HAVCR1: variants seen among roughly 807,000 people sequenced by gnomAD.
The protein encoded by HAVCR1 is T cell immunoglobin domain and mucin domain protein 1.
In HAVCR1, 34 loss-of-function variants were observed where a neutral mutation model predicts 32.0. That is an observed-to-expected ratio of 1.06 (90% CI 0.81 to 1.42). HAVCR1 has a LOEUF of 1.42. Ranked by LOEUF, HAVCR1 falls within the 40% of genes most tolerant of loss-of-function variation. HAVCR1 has a pLI of 0.00. For missense variants in HAVCR1, 420 were observed against 442.3 expected, an observed-to-expected ratio of 0.95 and a Z score of 0.45; for synonymous variants, 178 against 170.3, an observed-to-expected ratio of 1.05 and a Z score of -0.35.
At chr5:157,064,170 T>C in the HAVCR1 span, among the ~76,000 whole-genome samples, 1 of 152,000 alleles carries the variant, frequency 6.6e-6, no homozygotes, top group Admixed American at 6.6e-5. Flanking sequence ...ATGGAAAGAT[T>C]CCAGAAGAGA....
intron 5 of HAVCR1, among the ~76,000 whole-genome samples, chr5:157,047,449 G>A (rs1755468992): frequency 6.6e-6 from 1 of 152,058 alleles, no homozygotes; most frequent in African/African-American, 2.4e-5. Context: ...TACTTGGAAA[G>A]CTGAGGCAGG....
chr5:157,041,866 C>T (rs1427067991), intron 6 of HAVCR1, among the ~76,000 whole-genome samples: 2 of 152,138 alleles, frequency 1.3e-5, no homozygotes, highest in Non-Finnish European at 2.9e-5. Context: ...TGAGACTAGC[C>T]TGGCCAACAT....
intron 8 of HAVCR1, 36 bp from the exon 9 acceptor site, chr5:157,029,877 G>T: frequency 6.3e-7 from 1 of 1,583,100 alleles, no homozygotes. Flanking sequence ...ACATGAGTAA[G>T]AAAAAAAGCA....
chr5:157,043,685 T>C (rs1402298388), intron 5 of HAVCR1, among the ~76,000 whole-genome samples: 1 of 152,100 alleles, frequency 6.6e-6, no homozygotes, highest in Non-Finnish European at 1.5e-5. Context: ...GAGTATATTC[T>C]GTTGGCCTTC....
At chr5:157,065,487 G>T in the HAVCR1 span, among the ~76,000 whole-genome samples, 1 of 152,192 alleles carries the variant, frequency 6.6e-6, no homozygotes, top group Non-Finnish European at 1.5e-5. Flanking sequence ...GGGAGACCGG[G>T]GCAGGCTGAT....
intron 8 of HAVCR1, among the ~76,000 whole-genome samples, chr5:157,031,080 T>C (rs976097193): frequency 6.6e-6 from 1 of 151,596 alleles, no homozygotes; most frequent in Non-Finnish European, 1.5e-5. Context: ...TGAGCACAGA[T>C]TCGTGAGATT....
At position 157,058,616 on chromosome 5, in the gene HAVCR1, C is replaced by T. The variant is rs35045030; in HGVS notation, c.-13+305G>A. 1,086 of 152,370 alleles carry T rather than the reference C, an allele frequency of 7.1e-3. 5 individuals carry two copies. The highest frequency in any genetic ancestry group is 0.011 in the Non-Finnish European group (777 of 68,088). The allele number at this position is 152,370 out of a possible 1,614,324, so 9.4% of individuals were successfully genotyped here. On this transcript the variant is annotated intron_variant, in intron 1 of 8. Transcript: ENST00000523175. ...GAAAAGGAAACTGGAAGCAGAGAAC[C>T]AGCGTGGCTCAATGGCAGCACGAGA...
At chr5:157,066,858 A>C in the HAVCR1 span, among the ~76,000 whole-genome samples, 1 of 152,194 alleles carries the variant, frequency 6.6e-6, no homozygotes, top group Non-Finnish European at 1.5e-5. Context: ...AGGCTGAGGC[A>C]GGCGGATCAC....
chr5:157,046,466 C>T (rs187298411), intron 5 of HAVCR1, among the ~76,000 whole-genome samples: 1 of 152,298 alleles, frequency 6.6e-6, no homozygotes, highest in Non-Finnish European at 1.5e-5. Flanking sequence ...TCTAAGAGGC[C>T]TGTTCAGACT....
chr5:157,038,449 C>T (rs1455193547), intron 6 of HAVCR1, among the ~76,000 whole-genome samples: 2 of 152,106 alleles, frequency 1.3e-5, no homozygotes, highest in Admixed American at 6.5e-5. Flanking sequence ...AGTCAGAATC[C>T]CAGGTCTTCT....
chr5:157,055,070 T>C, intron 3 of HAVCR1, 131 bp downstream of exon 3: 1 of 573,096 alleles, frequency 1.7e-6, no homozygotes, highest in Non-Finnish European at 3.1e-6. Context: ...AGTTATTCTA[T>C]TTCCCAAGAA....
At chr5:157,061,296 C>T (rs1223822198), upstream of HAVCR1, among the ~76,000 whole-genome samples, 1 of 151,986 alleles carries the variant, frequency 6.6e-6, no homozygotes, top group Non-Finnish European at 1.5e-5. Flanking sequence ...TGCACTCAAG[C>T]CTTAGATGAC....
intron 5 of HAVCR1, among the ~76,000 whole-genome samples, chr5:157,043,348 TA>T (rs1210657351): frequency 3.3e-5 from 5 of 152,240 alleles, no homozygotes; most frequent in African/African-American, 1.2e-4. Context: ...CAACATGTTT[TA>T]AAATATCTGC....
intron 4 of HAVCR1, among the ~76,000 whole-genome samples, chr5:157,051,833 A>G (rs1755757540): frequency 6.6e-6 from 1 of 152,238 alleles, no homozygotes; most frequent in Non-Finnish European, 1.5e-5. Context: ...TAACAATTAT[A>G]AACCACACCT....
At chr5:157,046,696 A>T (rs1427515954) in intron 5 of HAVCR1, among the ~76,000 whole-genome samples, 1 of 152,194 alleles carries the variant, frequency 6.6e-6, no homozygotes, top group Non-Finnish European at 1.5e-5. Flanking sequence ...CAATCTAGTG[A>T]GGGTCCTCTT....
intron 5 of HAVCR1, among the ~76,000 whole-genome samples, chr5:157,044,368 C>G (rs115923148): frequency 1.9e-4 from 6 of 31,340 alleles, no homozygotes; most frequent in Non-Finnish European, 3.6e-4. Flanking sequence ...AAAGAAAGGA[C>G]GAAGGAAGGA....
chr5:157,029,762 T>A lies in HAVCR1; in HGVS notation c.1066A>T (p.Ile356Phe). 6.2e-7 allele frequency: 1 copy of A among 1,612,058 alleles called. No homozygotes were observed. Among genetic ancestry groups the A allele is most frequent in the Non-Finnish European group, 8.5e-7 (1 of 1,178,922 alleles). ...KEVQAEDNIYIENSLYATD is the reference protein window; with the variant it reads ...KEVQAEDNIYFENSLYATD ...TCCGTGGCATAAAGACTATTCTCAA[T>A]GTAGATATTGTCTTCTGCTTGGACT... Residue 356 changes from isoleucine (I) to phenylalanine (F), a missense_variant, in exon 9 of 9, where the codon ATT becomes TTT. Coordinates refer to ENST00000523175, the MANE Select transcript of HAVCR1 (RefSeq NM_001173393.3).
At chr5:157,039,361 G>T (rs1328003482) in intron 6 of HAVCR1, among the ~76,000 whole-genome samples, 1 of 152,074 alleles carries the variant, frequency 6.6e-6, no homozygotes, top group Non-Finnish European at 1.5e-5. Context: ...TAAATGCACT[G>T]CAATGACTAC....
intron 2 of HAVCR1, among the ~76,000 whole-genome samples, chr5:157,057,407 GAAAGAAAGAAAGAAAGAAAGAAAGA>G (rs1305243187): frequency 1.0e-5 from 1 of 97,662 alleles, no homozygotes; most frequent in African/African-American, 3.5e-5. Flanking sequence ...AAGAAAGAAA[GAAAGAAAGAAAGAAAGAAAGAAAGA>G]AAGAAAGAAA....
Sources: allele counts gnomAD v4.1 joint callset (sites outside exome capture counted in the v4.1 genomes callset), GRCh38; gene constraint gnomAD v4.1.1; transcripts MANE v1.5; gene names NCBI Gene and HGNC (gene_info 2026-07-23, HGNC 2026-07-21).